Variants in NRXN1 observed in about 807,000 individuals in gnomAD.
NRXN1 encodes the protein neurexin-1.
A neutral mutation model predicts 150.9 loss-of-function variants in NRXN1; 39 were observed. That is an observed-to-expected ratio of 0.26 (90% CI 0.20 to 0.34). NRXN1 has a LOEUF of 0.34. NRXN1 is among the 10% of genes least tolerant of loss of function. The pLI is 1.00. For synonymous variants in NRXN1, 924 were observed against 757.0 expected (o/e 1.22, Z -3.62); for missense variants, 1,815 against 1,949.9 (o/e 0.93, Z 1.30).
At chr2:50,944,674 A>G (rs1193037925) in intron 2 of NRXN1, among the ~76,000 whole-genome samples, 2 of 152,206 alleles carry the variant, frequency 1.3e-5, no homozygotes, top group African/African-American at 2.4e-5. Flanking sequence ...CTGAATGCCA[A>G]TTGATTTCCA....
chr2:50,468,608 G>T (rs1272761236), intron 16 of NRXN1, among the ~76,000 whole-genome samples: 1 of 151,398 alleles, frequency 6.6e-6, no homozygotes, highest in Non-Finnish European at 1.5e-5. Context: ...AAAAGGGAAA[G>T]AAAAATGAAG....
intron 5 of NRXN1, among the ~76,000 whole-genome samples, chr2:50,866,872 C>G (rs1484981047): frequency 6.6e-6 from 1 of 151,876 alleles, no homozygotes; most frequent in Non-Finnish European, 1.5e-5. Flanking sequence ...TCCTTGAGGT[C>G]TGATGAGATG....
intron 8 of NRXN1, among the ~76,000 whole-genome samples, chr2:50,568,773 C>T (rs531173154): frequency 6.6e-6 from 1 of 152,156 alleles, no homozygotes; most frequent in South Asian, 2.1e-4. Context: ...ACCATATGAT[C>T]CAGCAACCCA....
intron 21 of NRXN1, among the ~76,000 whole-genome samples, chr2:50,020,479 C>T (rs568666749): frequency 6.6e-6 from 1 of 152,156 alleles, no homozygotes; most frequent in Non-Finnish European, 1.5e-5. Context: ...TGAAATTTTG[C>T]CAGACAGGCT....
chr2:50,578,495 A>C (rs963618989), intron 8 of NRXN1, among the ~76,000 whole-genome samples: 5 of 152,148 alleles, frequency 3.3e-5, no homozygotes, highest in Admixed American at 3.3e-4. Flanking sequence ...ACTTTCCCTG[A>C]ATGGTAACGT....
At chr2:50,810,472 G>A (rs564059254) in intron 5 of NRXN1, among the ~76,000 whole-genome samples, 9 of 152,146 alleles carry the variant, frequency 5.9e-5, no homozygotes, top group African/African-American at 1.2e-4. Flanking sequence ...CTTCAAAAAC[G>A]TTAATCACTC....
intron 22 of NRXN1, among the ~76,000 whole-genome samples, chr2:49,942,589 ATATTAT>A (rs1553398763): frequency 3.6e-4 from 53 of 149,202 alleles, no homozygotes; most frequent in Non-Finnish European, 5.0e-4. Context: ...AATGCAAACA[ATATTAT>A]TATTATTATT....
chr2:50,058,402 C>CTGTTTTAAA (rs1219525638), intron 19 of NRXN1, among the ~76,000 whole-genome samples: 2 of 152,296 alleles, frequency 1.3e-5, no homozygotes, highest in East Asian at 3.9e-4. Context: ...TCAGTGAGCA[C>CTGTTTTAAA]TGTTTTAAAC....
Position 50,623,359 on chromosome 2 carries a change from A to G in NRXN1, c.1089T>C (p.Asn363=), listed in dbSNP as rs201168853. ...CTTTCACATCATGCCAGGCATTATC[A>G]TTAAACTTTCCATTCACAGGCTCCA... ...ALVEPVNGKF[N]DNAWHDVKVT... Residue 363 remains asparagine (N), a synonymous_variant, in exon 6 of 23, where the codon AAT becomes AAC. Transcript: ENST00000401669. 1.7e-5 allele frequency: 27 copies of G among 1,613,238 alleles called. No homozygotes were observed. Among genetic ancestry groups the G allele is most frequent in the Non-Finnish European group, 1.7e-5 (20 of 1,179,526 alleles).
At chr2:50,905,235 T>A (rs551017056) in intron 5 of NRXN1, among the ~76,000 whole-genome samples, 1 of 152,162 alleles carries the variant, frequency 6.6e-6, no homozygotes. Flanking sequence ...TTAAGATGTC[T>A]TTTTAAAGTG....
At chr2:50,826,585 G>C (rs1670475569) in intron 5 of NRXN1, among the ~76,000 whole-genome samples, 1 of 152,126 alleles carries the variant, frequency 6.6e-6, no homozygotes, top group South Asian at 2.1e-4. Context: ...TCCTTCAATT[G>C]TTGGGGTGAT....
At chr2:50,119,225 C>T (rs948308692) in intron 18 of NRXN1, among the ~76,000 whole-genome samples, 1 of 152,026 alleles carries the variant, frequency 6.6e-6, no homozygotes, top group Non-Finnish European at 1.5e-5. Flanking sequence ...GTGTCTTTAT[C>T]TTTTGGAAGG....
intron 5 of NRXN1, among the ~76,000 whole-genome samples, chr2:50,675,044 C>T (rs977625960): frequency 1.4e-4 from 21 of 151,842 alleles, no homozygotes; most frequent in Non-Finnish European, 1.5e-5. Context: ...GACACCTCTT[C>T]CCTCTCGCTC....
intron 18 of NRXN1, among the ~76,000 whole-genome samples, chr2:50,143,988 G>C (rs1558967621): frequency 6.6e-6 from 1 of 151,778 alleles, no homozygotes; most frequent in Non-Finnish European, 1.5e-5. Context: ...TTCATCCTTA[G>C]GATGGTTTTC....
intron 19 of NRXN1, among the ~76,000 whole-genome samples, chr2:50,064,335 T>C (rs1350128698): frequency 6.6e-6 from 1 of 152,066 alleles, no homozygotes; most frequent in Non-Finnish European, 1.5e-5. Context: ...TTAAATCTTA[T>C]TTTTATGATT....
intron 8 of NRXN1, chr2:50,619,731 G>A (rs1679653013): frequency 2.5e-6 from 1 of 407,170 alleles, no homozygotes; most frequent in Admixed American, 4.3e-5. Flanking sequence ...CTCAACTTTA[G>A]ACCCAGTATC....
At chr2:50,602,012 T>C (rs1319457838) in intron 8 of NRXN1, among the ~76,000 whole-genome samples, 1 of 152,154 alleles carries the variant, frequency 6.6e-6, no homozygotes, top group Non-Finnish European at 1.5e-5. Context: ...CAGTTATGAG[T>C]TGTTAAAAGT....
At chr2:50,735,464 T>C (rs1045618294) in intron 5 of NRXN1, among the ~76,000 whole-genome samples, 12 of 152,228 alleles carry the variant, frequency 7.9e-5, no homozygotes, top group African/African-American at 2.6e-4. Context: ...AGAGACTCAC[T>C]TGTAGAAGCC....
intron 21 of NRXN1, among the ~76,000 whole-genome samples, chr2:49,954,963 T>A (rs1467402099): frequency 1.3e-5 from 2 of 152,184 alleles, no homozygotes; most frequent in East Asian, 1.9e-4. Context: ...CTTATATTCT[T>A]AAAGCATTTG....
Sources: allele counts gnomAD v4.1 joint callset (sites outside exome capture counted in the v4.1 genomes callset), GRCh38; gene constraint gnomAD v4.1.1; transcripts MANE v1.5; gene names NCBI Gene and HGNC (gene_info 2026-07-23, HGNC 2026-07-21).